Variants in ACAD11 observed in about 807,000 individuals in gnomAD.
ACAD11 encodes acyl-CoA dehydrogenase family member 11, also known as acyl-Coenzyme A dehydrogenase family, member 11.
ACAD11 carries 83 observed loss-of-function variants against 102.2 expected under a neutral mutation model. The observed-to-expected ratio is 0.81, with a 90% CI of 0.68 to 0.97. ACAD11 has a LOEUF of 0.97. Ranked by LOEUF, ACAD11 falls within the 50% of genes least tolerant of loss-of-function variation. The probability of loss-of-function intolerance (pLI) is 0.00; values close to 1 mark genes in which losing one functional copy is unlikely to be tolerated. For missense variants in ACAD11, 901 were observed against 951.7 expected (o/e 0.95, Z 0.70); for synonymous variants, 324 against 319.8 (o/e 1.01, Z -0.14).
intron 13 of ACAD11, chr3:132,600,280 T>G: frequency 1.1e-6 from 1 of 938,616 alleles, no homozygotes; most frequent in Non-Finnish European, 1.6e-6. Flanking sequence ...TCACATATGT[T>G]ACAGCAACAG....
chr3:132,564,739 AT>A (rs1210857731), intron 17 of ACAD11, among the ~76,000 whole-genome samples: 1 of 152,184 alleles, frequency 6.6e-6, no homozygotes, highest in Admixed American at 6.5e-5. Context: ...TCTAACAAGG[AT>A]GGAATCGATA....
intron 13 of ACAD11, among the ~76,000 whole-genome samples, chr3:132,584,841 A>G (rs1389590980): frequency 1.3e-5 from 2 of 152,166 alleles, no homozygotes; most frequent in Non-Finnish European, 2.9e-5. Flanking sequence ...AATGAAATAA[A>G]AGAGGATACA....
At chr3:132,562,818 G>A (rs980411415) in intron 17 of ACAD11, among the ~76,000 whole-genome samples, 1 of 152,146 alleles carries the variant, frequency 6.6e-6, no homozygotes, top group Admixed American at 6.6e-5. Flanking sequence ...TATTCAGGAC[G>A]CTAGTCATTT....
At chr3:132,559,808 T>C in intron 19 of ACAD11, 25 bp downstream of exon 19, 1 of 1,587,686 alleles carries the variant, frequency 6.3e-7, no homozygotes, top group East Asian at 2.2e-5. Flanking sequence ...CAAACGTAGA[T>C]GATTCTTAAA....
chr3:132,654,306 T>C (rs1937665754), intron 1 of ACAD11: 1 of 152,216 alleles, frequency 6.6e-6, no homozygotes, highest in African/African-American at 2.4e-5. Context: ...CAAACCTAGA[T>C]GGTATAGCCT....
intron 17 of ACAD11, among the ~76,000 whole-genome samples, chr3:132,570,853 C>T (rs557517983): frequency 2.2e-4 from 33 of 152,086 alleles, no homozygotes; most frequent in Non-Finnish European, 4.0e-4. Flanking sequence ...ATTCTTTTTA[C>T]GGCTGCATAA....
intron 17 of ACAD11, among the ~76,000 whole-genome samples, chr3:132,567,765 T>C (rs1937257191): frequency 6.6e-6 from 1 of 152,144 alleles, no homozygotes; most frequent in African/African-American, 2.4e-5. Context: ...AAAAATGCTA[T>C]AGCTAACATT....
intron 11 of ACAD11, among the ~76,000 whole-genome samples, chr3:132,606,629 G>C (rs565026013): frequency 1.3e-5 from 2 of 152,234 alleles, no homozygotes; most frequent in South Asian, 2.1e-4. Flanking sequence ...AGTAGCCCCA[G>C]TCAGGGGCTT....
intron 13 of ACAD11, among the ~76,000 whole-genome samples, chr3:132,595,095 G>A (rs561622770): frequency 6.6e-6 from 1 of 152,312 alleles, no homozygotes; most frequent in East Asian, 1.9e-4. Context: ...GGGTCTGGTG[G>A]ACTGGGAGTC....
At chr3:132,658,257 A>T (rs935214922) in intron 1 of ACAD11, among the ~76,000 whole-genome samples, 1 of 152,086 alleles carries the variant, frequency 6.6e-6, no homozygotes, top group African/African-American at 2.4e-5. Context: ...AAACTTTTTC[A>T]TGTGTCCTAG....
intron 9 of ACAD11, among the ~76,000 whole-genome samples, chr3:132,621,978 C>CAAA (rs546732705): frequency 2.5e-5 from 2 of 79,958 alleles, no homozygotes; most frequent in African/African-American, 3.7e-5. Context: ...GACTCTGTCT[C>CAAA]AAAAAAAAAA....
At chr3:132,651,943 T>A (rs1940945478) in intron 1 of ACAD11, among the ~76,000 whole-genome samples, 1 of 152,176 alleles carries the variant, frequency 6.6e-6, no homozygotes, top group Admixed American at 6.5e-5. Context: ...AGATGAGACT[T>A]TGGACGGTGG....
intron 8 of ACAD11, among the ~76,000 whole-genome samples, chr3:132,627,299 G>A (rs1248581347): frequency 2.0e-5 from 3 of 152,210 alleles, no homozygotes; most frequent in East Asian, 1.9e-4. Flanking sequence ...CTTTCTTTTC[G>A]CTTAATAAAT....
chr3:132,659,466 A>G (rs1194003918), intron 1 of ACAD11, 137 bp downstream of exon 1: 6 of 1,251,188 alleles, frequency 4.8e-6, no homozygotes, highest in Non-Finnish European at 6.5e-6. Context: ...ATAGCAGCTC[A>G]TGCCTGTAGG....
At chr3:132,614,790 A>G (rs1939334033) in intron 11 of ACAD11, among the ~76,000 whole-genome samples, 1 of 152,230 alleles carries the variant, frequency 6.6e-6, no homozygotes, top group African/African-American at 2.4e-5. Flanking sequence ...CTAAAACACC[A>G]AAAGCAATGG....
At chr3:132,623,448 A>C (rs1939680478) in intron 9 of ACAD11, among the ~76,000 whole-genome samples, 1 of 152,140 alleles carries the variant, frequency 6.6e-6, no homozygotes, top group African/African-American at 2.4e-5. Flanking sequence ...TGTTACACAG[A>C]GATTTGTATT....
At chr3:132,582,989 A>G (rs953212476) in intron 13 of ACAD11, among the ~76,000 whole-genome samples, 2 of 152,226 alleles carry the variant, frequency 1.3e-5, no homozygotes, top group Non-Finnish European at 2.9e-5. Flanking sequence ...GATGTTCATC[A>G]GGGATATTGG....
In ACAD11 at chr3:132,618,643, G is replaced by C. The variant is rs1180346224; in HGVS notation, c.1405C>G (p.Gln469Glu). 1 of 1,591,752 alleles carries C rather than the reference G, an allele frequency of 6.3e-7. No individual in the cohort carries two copies. Among genetic ancestry groups the C allele is most frequent in the Non-Finnish European group, 8.5e-7 (1 of 1,170,926 alleles). Residue 469 changes from glutamine (Q) to glutamate (E), a missense_variant, in exon 11 of 20, where the codon CAA becomes GAA. Transcript: ENST00000264990. ...CAATTAATGTAGTAACCTGGTGCTT[G>C]GCAGTTAAAGACATCTGGAGCAAAA... ...CFFAPDVFNCQAPDTGNMEVL... is the reference protein window; with the variant it reads ...CFFAPDVFNCEAPDTGNMEVL...
chr3:132,585,559 C>T (rs1937776395), intron 13 of ACAD11, among the ~76,000 whole-genome samples: 1 of 152,142 alleles, frequency 6.6e-6, no homozygotes, highest in African/African-American at 2.4e-5. Flanking sequence ...AGGCAACCTA[C>T]AGAATGGGAG....
Sources: gnomAD v4.1 joint callset for allele counts (sites outside exome capture counted in the v4.1 genomes callset) on GRCh38, gnomAD v4.1.1 for gene constraint, MANE v1.5 for transcripts, NCBI Gene and HGNC (gene_info 2026-07-23, HGNC 2026-07-21) for gene names.